The following ADAMTSL1 variants were observed in gnomAD, a reference collection of about 807,000 sequenced individuals.
The protein encoded by ADAMTSL1 is ADAMTS-like protein 1.
In ADAMTSL1, 126 loss-of-function variants were observed where a neutral mutation model predicts 201.8. The observed-to-expected ratio is 0.62, with a 90% CI of 0.54 to 0.72. ADAMTSL1 has a LOEUF of 0.72. ADAMTSL1 is among the 30% of genes least tolerant of loss of function. The probability of loss-of-function intolerance (pLI) is 0.00; values close to 1 mark genes in which losing one functional copy is unlikely to be tolerated. For synonymous variants in ADAMTSL1, 1,121 were observed against 903.4 expected (o/e 1.24, Z -4.32); for missense variants, 2,679 against 2,277.8 (o/e 1.18, Z -3.59).
chr9:18,207,346 A>T (rs746621295), intron 2 of ADAMTSL1, among the ~76,000 whole-genome samples: 1 of 152,172 alleles, frequency 6.6e-6, no homozygotes, highest in South Asian at 2.1e-4. Flanking sequence ...TACGTCTTAT[A>T]ATATGGTATC....
At chr9:18,221,898 CCCA>C (rs1830273697) in intron 2 of ADAMTSL1, among the ~76,000 whole-genome samples, 1 of 151,942 alleles carries the variant, frequency 6.6e-6, no homozygotes, top group Non-Finnish European at 1.5e-5. Flanking sequence ...GTTAGAATTT[CCCA>C]CCATTATGAC....
chr9:18,671,506 C>T (rs971233006), intron 9 of ADAMTSL1, among the ~76,000 whole-genome samples: 1 of 152,080 alleles, frequency 6.6e-6, no homozygotes, highest in African/African-American at 2.4e-5. Flanking sequence ...GTGAAGGTAG[C>T]CCCAGTGTAC....
chr9:18,312,299 A>C (rs1834187522), intron 2 of ADAMTSL1, among the ~76,000 whole-genome samples: 1 of 152,218 alleles, frequency 6.6e-6, no homozygotes, highest in Admixed American at 6.5e-5. Context: ...GGTATATCTA[A>C]AAGCTCAGTA....
intron 1 of ADAMTSL1, among the ~76,000 whole-genome samples, chr9:18,158,858 A>C (rs956653113): frequency 6.6e-6 from 1 of 151,930 alleles, no homozygotes; most frequent in Non-Finnish European, 1.5e-5. Flanking sequence ...TTTCATGATT[A>C]GGTAGTAATG....
chr9:18,126,699 G>A (rs542313317), intron 1 of ADAMTSL1, among the ~76,000 whole-genome samples: 2 of 152,200 alleles, frequency 1.3e-5, no homozygotes, highest in Admixed American at 6.6e-5. Context: ...ACAGTAACAC[G>A]GAGATGGAGG....
intron 2 of ADAMTSL1, among the ~76,000 whole-genome samples, chr9:18,446,831 T>G (rs767887276): frequency 3.6e-4 from 55 of 152,196 alleles, no homozygotes; most frequent in Non-Finnish European, 7.1e-4. Flanking sequence ...TTGGACCATA[T>G]CCAAAGAGAA....
chr9:17,914,967 TTTTA>T (rs1454546952), intron 1 of ADAMTSL1, among the ~76,000 whole-genome samples: 4 of 152,180 alleles, frequency 2.6e-5, no homozygotes, highest in Non-Finnish European at 5.9e-5. Context: ...TTGCTGTTGT[TTTTA>T]TTTATTTTCT....
intron 2 of ADAMTSL1, among the ~76,000 whole-genome samples, chr9:18,392,771 A>AAAT (rs1207226450): frequency 6.6e-6 from 1 of 152,194 alleles, no homozygotes; most frequent in Non-Finnish European, 1.5e-5. Flanking sequence ...TACAAGAAAA[A>AAAT]AATAATAATC....
At chr9:18,112,302 G>C (rs989340170) in intron 1 of ADAMTSL1, among the ~76,000 whole-genome samples, 1 of 152,064 alleles carries the variant, frequency 6.6e-6, no homozygotes, top group Non-Finnish European at 1.5e-5. Context: ...CCATCTGAAA[G>C]TGCAGTGGAG....
At chr9:18,886,372 C>A (rs2082581) in intron 23 of ADAMTSL1, among the ~76,000 whole-genome samples, 1 of 151,176 alleles carries the variant, frequency 6.6e-6, no homozygotes, top group Non-Finnish European at 1.5e-5. Flanking sequence ...GGTGACCGAG[C>A]GAGACCCTGT....
At chr9:18,012,272 A>G (rs1820083742) in intron 1 of ADAMTSL1, among the ~76,000 whole-genome samples, 1 of 152,002 alleles carries the variant, frequency 6.6e-6, no homozygotes, top group East Asian at 2.0e-4. Context: ...ACCAACTCAG[A>G]TCCACTTTTA....
At chr9:18,191,512 T>C (rs2132232735) in intron 2 of ADAMTSL1, among the ~76,000 whole-genome samples, 1 of 152,292 alleles carries the variant, frequency 6.6e-6, no homozygotes, top group Admixed American at 6.5e-5. Flanking sequence ...GCCTACAGCC[T>C]AATGAAAGTG....
chr9:18,437,366 T>C (rs1276877952), intron 2 of ADAMTSL1, among the ~76,000 whole-genome samples: 1 of 152,182 alleles, frequency 6.6e-6, no homozygotes, highest in East Asian at 1.9e-4. Context: ...CTGCTAGTTT[T>C]GTTCAGAGTC....
At chr9:18,523,105 G>T (rs1818804301) in intron 2 of ADAMTSL1, among the ~76,000 whole-genome samples, 1 of 152,140 alleles carries the variant, frequency 6.6e-6, no homozygotes, top group South Asian at 2.1e-4. Flanking sequence ...AGCACCTGTT[G>T]TTTCCTGACT....
At chr9:18,661,720 A>G (rs1206752839) in intron 8 of ADAMTSL1, among the ~76,000 whole-genome samples, 1 of 152,190 alleles carries the variant, frequency 6.6e-6, no homozygotes, top group Non-Finnish European at 1.5e-5. Flanking sequence ...TAATTATATA[A>G]TGTAATTATT....
chr9:18,215,853 T>C (rs1830038145), intron 2 of ADAMTSL1, among the ~76,000 whole-genome samples: 1 of 152,162 alleles, frequency 6.6e-6, no homozygotes, highest in Non-Finnish European at 1.5e-5. Context: ...AGACAGCTGC[T>C]ACAAGAATGA....
chr9:18,535,084 A>T (rs10810983), intron 3 of ADAMTSL1, among the ~76,000 whole-genome samples: 88,193 of 151,698 alleles, frequency 0.58, 25,874 homozygotes, highest in East Asian at 0.79. Flanking sequence ...CCAGAAAAAA[A>T]TTTTTTCTAT....
At chr9:18,387,423 C>T (rs1837847445) in intron 2 of ADAMTSL1, among the ~76,000 whole-genome samples, 1 of 152,000 alleles carries the variant, frequency 6.6e-6, no homozygotes, top group Non-Finnish European at 1.5e-5. Flanking sequence ...CCCCTTCCTT[C>T]CTCACCCAAA....
chr9:18,838,166 G>A (rs4977450), intron 23 of ADAMTSL1, among the ~76,000 whole-genome samples: 69,496 of 151,730 alleles, frequency 0.46, 16,270 homozygotes, highest in African/African-American at 0.52. Context: ...GGCAAAGAGA[G>A]AGCTTATGCA....
Sources: allele counts gnomAD v4.1 joint callset (sites outside exome capture counted in the v4.1 genomes callset), GRCh38; gene constraint gnomAD v4.1.1; transcripts MANE v1.5; gene names NCBI Gene and HGNC (gene_info 2026-07-23, HGNC 2026-07-21).